Variants in USP18 observed in about 807,000 individuals in gnomAD.
USP18 encodes ubl carboxyl-terminal hydrolase 18.
Under a neutral mutation model 48.7 loss-of-function variants are expected in USP18, and 11 were observed. That is an observed-to-expected ratio of 0.23 (90% CI 0.14 to 0.37). The LOEUF (loss-of-function observed/expected upper bound fraction) is 0.37. Ranked by LOEUF, USP18 falls within the 10% of genes least tolerant of loss-of-function variation. USP18 has a pLI of 1.00. For missense variants in USP18, 285 were observed against 436.4 expected (o/e 0.65, Z 3.09); for synonymous variants, 114 against 163.2 (o/e 0.70, Z 2.30).
Position 18,158,458 on chromosome 22 carries a change from G to A in USP18, c.157+638G>A, listed in dbSNP as rs116827236. On this transcript the variant is annotated intron_variant, in intron 2 of 10. Coordinates refer to ENST00000215794, the MANE Select transcript of USP18 (RefSeq NM_017414.4). The stretch of plus-strand genomic sequence containing the variant: ...TACCTTTGTATGGGTCTGTCTGGAA[G>A]CAATGTGCTCCTGATAGTCTGGGAG... 5.3e-3 allele frequency among the ~76,000 whole-genome samples: 807 copies of A among 152,276 alleles called. 8 individuals are homozygous for A. Among genetic ancestry groups the A allele is most frequent in the African/African-American group, 0.019 (769 of 41,534 alleles).
intron 4 of USP18, among the ~76,000 whole-genome samples, chr22:18,162,600 C>A (rs1198671298): frequency 2.7e-5 from 4 of 147,860 alleles, no homozygotes; most frequent in African/African-American, 1.0e-4. Flanking sequence ...TTTGGGCTTC[C>A]TGGATGTGGA....
At chr22:18,150,874 C>A (rs1324390920) in intron 1 of USP18, among the ~76,000 whole-genome samples, 3 of 152,224 alleles carry the variant, frequency 2.0e-5, no homozygotes, top group Non-Finnish European at 4.4e-5. Flanking sequence ...ATCGCTTGAA[C>A]CCGGGAGCGG....
chr22:18,161,249 GTCTC>G (rs1400166705), intron 3 of USP18, among the ~76,000 whole-genome samples: 7 of 142,260 alleles, frequency 4.9e-5, no homozygotes, highest in South Asian at 4.9e-4. Context: ...CTCTCCCTCT[GTCTC>G]TCTCTATCAC....
chr22:18,170,002 C>T, intron 7 of USP18, 63 bp downstream of exon 7: 2 of 1,527,406 alleles, frequency 1.3e-6, no homozygotes, highest in East Asian at 2.5e-5. Context: ...TGTTCCAGGA[C>T]CCCTGCTTTT....
chr22:18,175,510 A>AT (rs1929760537), intron 10 of USP18, among the ~76,000 whole-genome samples: 1 of 148,896 alleles, frequency 6.7e-6, no homozygotes, highest in Admixed American at 6.6e-5. Flanking sequence ...TGTTATTGAG[A>AT]TCAGAGGTTG....
At chr22:18,173,452 G>C (rs73876572) in intron 9 of USP18, among the ~76,000 whole-genome samples, 171 bp downstream of exon 9, 2,497 of 152,220 alleles carry the variant, frequency 0.016, 65 homozygotes, top group African/African-American at 0.057. Flanking sequence ...TCCCCATGTG[G>C]TTTGCACCTC....
chr22:18,168,135 G>C, intron 6 of USP18, 99 bp downstream of exon 6: 1 of 1,531,946 alleles, frequency 6.5e-7, no homozygotes, highest in Non-Finnish European at 8.8e-7. Context: ...ATTTCTTACA[G>C]TTCTGGAGGC....
At chr22:18,151,417 T>C (rs1928996896) in intron 1 of USP18, among the ~76,000 whole-genome samples, 1 of 152,234 alleles carries the variant, frequency 6.6e-6, no homozygotes, top group Non-Finnish European at 1.5e-5. Flanking sequence ...TTTCTGGTAT[T>C]GAACAGAGTT....
intron 2 of USP18, 38 bp downstream of exon 2, chr22:18,157,858 A>G (rs778401712): frequency 3.1e-6 from 5 of 1,611,526 alleles, no homozygotes; most frequent in East Asian, 4.5e-5. Context: ...TCTTGACTGC[A>G]TGTAAATGTT....
chr22:18,157,494 C>G (rs1929193188), intron 1 of USP18, 64 bp from the exon 2 acceptor site: 2 of 832,000 alleles, frequency 2.4e-6, no homozygotes, highest in Non-Finnish European at 3.8e-6. Context: ...GGCATCAGAA[C>G]GGATTACATG....
intron 1 of USP18, among the ~76,000 whole-genome samples, chr22:18,153,495 A>T (rs1929052525): frequency 6.6e-6 from 1 of 151,842 alleles, no homozygotes; most frequent in Admixed American, 6.6e-5. Flanking sequence ...CACGATCATA[A>T]CTCACTGTGG....
intron 1 of USP18, among the ~76,000 whole-genome samples, chr22:18,151,630 G>A (rs150235297): frequency 6.6e-6 from 1 of 152,078 alleles, no homozygotes; most frequent in East Asian, 1.9e-4. Context: ...TTTCAAAGAA[G>A]GTAAGTCCTA....
Position 18,167,707 on chromosome 22 carries a change from A to G in USP18, c.481-183A>G, listed in dbSNP as rs542420988. On this transcript the variant is annotated intron_variant, in intron 5 of 10. Transcript: ENST00000215794. ...AGCGAGACTCTGTCTCAAAAAAAAA[A>G]AAAAAAAAAAGAAAAAAGAGTTAAT... is the stretch of plus-strand genomic sequence containing the variant. Among the ~76,000 whole-genome samples, 75 of 151,886 alleles carry G rather than the reference A, an allele frequency of 4.9e-4. 1 individual carries two copies. Among genetic ancestry groups the G allele is most frequent in the African/African-American group, 1.6e-3 (68 of 41,468 alleles).
intron 1 of USP18, among the ~76,000 whole-genome samples, chr22:18,153,155 G>A (rs138545295): frequency 7.2e-4 from 110 of 152,264 alleles, no homozygotes; most frequent in African/African-American, 2.3e-3. Flanking sequence ...CAGGCTGGGC[G>A]CGGTGGCTCA....
intron 2 of USP18, 92 bp downstream of exon 2, chr22:18,157,912 A>G: frequency 6.6e-7 from 1 of 1,520,042 alleles, no homozygotes; most frequent in African/African-American, 1.4e-5. Flanking sequence ...TTTGTATTCG[A>G]CGGCTCATGC....
In USP18 at chr22:18,158,116, C is replaced by T. The variant is rs146971687; in HGVS notation, c.157+296C>T. ...CAGCCTGGCCAAAATGGTGAAACCC[C>T]GTCTCTACTAAAAATACAAAAATTA... On this transcript the variant is annotated intron_variant, in intron 2 of 10. Coordinates refer to ENST00000215794, the MANE Select transcript of USP18 (RefSeq NM_017414.4). 4.1e-3 allele frequency among the ~76,000 whole-genome samples: 626 copies of T among 152,214 alleles called. 5 individuals carry two copies. The highest frequency in any genetic ancestry group is 0.014 in the African/African-American group (601 of 41,530).
intron 4 of USP18, among the ~76,000 whole-genome samples, chr22:18,162,287 G>T (rs1009247902): frequency 4.4e-5 from 6 of 137,282 alleles, no homozygotes; most frequent in South Asian, 4.7e-4. Flanking sequence ...AATAGGTTAG[G>T]TTTTTTTTTT....
Position 18,173,093 on chromosome 22 carries a change from G to A in USP18, c.892-57G>A, listed in dbSNP as rs4819484. ...GCCTAGTGTGGGCAGGTATAAATGT[G>A]TGAGGCAGTCGTGTTTGTGGTGGTG... is the stretch of plus-strand genomic sequence containing the variant. On this transcript the variant is annotated intron_variant, in intron 8 of 10. Transcript: ENST00000215794. 0.74 allele frequency: 1,177,954 copies of A among 1,587,254 alleles called. 441,309 individuals are homozygous for A. Among genetic ancestry groups the A allele is most frequent in the African/African-American group, 0.9 (64,411 of 71,478 alleles).
chr22:18,165,515 C>T (rs1273928003), intron 4 of USP18, among the ~76,000 whole-genome samples: 2 of 100,514 alleles, frequency 2.0e-5, no homozygotes, highest in African/African-American at 7.9e-5. Context: ...TCACCGCGGC[C>T]GTGTTTCCTG....
Sources: allele counts gnomAD v4.1 joint callset (sites outside exome capture counted in the v4.1 genomes callset), GRCh38; gene constraint gnomAD v4.1.1; transcripts MANE v1.5; gene names NCBI Gene and HGNC (gene_info 2026-07-23, HGNC 2026-07-21).